COL21A1: variants seen among roughly 807,000 people sequenced by gnomAD.
The protein encoded by COL21A1 is collagen type XXI alpha 1 chain, also known as collagen alpha-1(XXI) chain.
COL21A1 carries 149 observed loss-of-function variants against 137.9 expected under a neutral mutation model. That is an observed-to-expected ratio of 1.08 (90% CI 0.95 to 1.24). The LOEUF is 1.24. COL21A1 is among the 50% of genes most tolerant of loss of function. COL21A1 has a pLI of 0.00. For missense variants in COL21A1, 1,167 were observed against 1,158.4 expected (o/e 1.01, Z -0.11); for synonymous variants, 456 against 391.5 (o/e 1.16, Z -1.95).
intron 1 of COL21A1, among the ~76,000 whole-genome samples, chr6:56,189,723 G>C (rs1319926845): frequency 6.6e-6 from 1 of 152,158 alleles, no homozygotes; most frequent in Admixed American, 6.5e-5. Flanking sequence ...CAGAGAGAAA[G>C]GTCAGGTTAC....
chr6:56,332,046 A>G (rs1765238475), intron 1 of COL21A1: 1 of 152,296 alleles, frequency 6.6e-6, no homozygotes, highest in Non-Finnish European at 1.5e-5. Context: ...ATAACACAGA[A>G]GTGATGTTAC....
At chr6:56,305,619 A>C (rs1402554818) in intron 1 of COL21A1, among the ~76,000 whole-genome samples, 1 of 152,064 alleles carries the variant, frequency 6.6e-6, no homozygotes, top group Non-Finnish European at 1.5e-5. Flanking sequence ...TTTTGAGCCT[A>C]TCTGTGTCTC....
chr6:56,101,545 AAGAAAT>A lies in COL21A1; in HGVS notation c.1759-26_1759-21del. On this transcript the variant is annotated intron_variant, in intron 16 of 29. Coordinates refer to ENST00000244728, the MANE Select transcript of COL21A1 (RefSeq NM_030820.4). ...TTCTCCCTTTTAATGATTTGACAAA[AAGAAAT>A]AGAGAATTCAGTTTTGAGGTCTGCT... 6.4e-7 allele frequency: 1 copy of A among 1,565,504 alleles called. No individual in the cohort carries two copies.
At chr6:56,220,012 C>T (rs955426230) in intron 1 of COL21A1, among the ~76,000 whole-genome samples, 2 of 152,040 alleles carry the variant, frequency 1.3e-5, no homozygotes, top group African/African-American at 4.8e-5. Context: ...AGAGGGTGGG[C>T]TCAAGGTGTT....
chr6:56,278,281 A>G (rs1012330791), intron 1 of COL21A1, among the ~76,000 whole-genome samples: 1 of 152,220 alleles, frequency 6.6e-6, no homozygotes, highest in Admixed American at 6.5e-5. Context: ...CAACTGTGAG[A>G]TAACTGCCTG....
intron 16 of COL21A1, among the ~76,000 whole-genome samples, chr6:56,114,617 A>C (rs564965704): frequency 6.6e-6 from 1 of 152,010 alleles, no homozygotes; most frequent in East Asian, 1.9e-4. Context: ...TCAAAACCAC[A>C]ATGAGATACC....
intron 17 of COL21A1, among the ~76,000 whole-genome samples, chr6:56,090,020 T>C (rs1033280089): frequency 5.3e-5 from 8 of 152,158 alleles, no homozygotes; most frequent in African/African-American, 1.9e-4. Flanking sequence ...GGAGGGCGGA[T>C]CATGATGTCA....
intron 17 of COL21A1, among the ~76,000 whole-genome samples, chr6:56,090,221 G>A (rs189559462): frequency 2.6e-5 from 4 of 152,252 alleles, no homozygotes; most frequent in African/African-American, 9.6e-5. Context: ...CCTGGCAACA[G>A]AGCAAGACTC....
intron 1 of COL21A1, among the ~76,000 whole-genome samples, chr6:56,365,814 C>A (rs902869268): frequency 6.6e-6 from 1 of 152,130 alleles, no homozygotes; most frequent in African/African-American, 2.4e-5. Context: ...AATCTTTACA[C>A]CATGTATAAC....
chr6:56,231,235 T>A (rs1326501397), intron 1 of COL21A1: 1 of 151,846 alleles, frequency 6.6e-6, no homozygotes, highest in Non-Finnish European at 1.5e-5. Context: ...AAAAAGACTA[T>A]CTTCAAAAAT....
intron 1 of COL21A1, among the ~76,000 whole-genome samples, chr6:56,336,679 C>T (rs1007115773): frequency 6.6e-6 from 1 of 152,118 alleles, no homozygotes; most frequent in Non-Finnish European, 1.5e-5. Context: ...TATGTGAAAA[C>T]AGTTTTTCTT....
intron 15 of COL21A1, 42 bp from the exon 16 acceptor site, chr6:56,124,157 A>C (rs1772808026): frequency 2.0e-6 from 3 of 1,532,488 alleles, no homozygotes; most frequent in Non-Finnish European, 2.6e-6. Flanking sequence ...TTTTGCACTA[A>C]TTTTTTCTCT....
chr6:56,255,487 T>G (rs1450960029), intron 1 of COL21A1, among the ~76,000 whole-genome samples: 1 of 152,070 alleles, frequency 6.6e-6, no homozygotes, highest in Non-Finnish European at 1.5e-5. Context: ...AGAACTTGTC[T>G]TCAGAAATTA....
intron 9 of COL21A1, among the ~76,000 whole-genome samples, chr6:56,163,558 A>G (rs1405789852): frequency 6.6e-6 from 1 of 152,070 alleles, no homozygotes; most frequent in Non-Finnish European, 1.5e-5. Context: ...AAATACAAAA[A>G]ATTAGCCGGG....
intron 1 of COL21A1, among the ~76,000 whole-genome samples, chr6:56,332,745 A>G (rs1302845036): frequency 6.6e-6 from 1 of 151,972 alleles, no homozygotes; most frequent in Non-Finnish European, 1.5e-5. Context: ...CTACTCAGTT[A>G]TAATTTGCTT....
chr6:56,358,495 T>G (rs2152348021), intron 1 of COL21A1, among the ~76,000 whole-genome samples: 1 of 152,234 alleles, frequency 6.6e-6, no homozygotes, highest in South Asian at 2.1e-4. Context: ...TTCTCCTCTT[T>G]CCCTAGATCT....
chr6:56,285,724 A>G (rs1763895018), intron 1 of COL21A1, among the ~76,000 whole-genome samples: 1 of 152,050 alleles, frequency 6.6e-6, no homozygotes, highest in Non-Finnish European at 1.5e-5. Flanking sequence ...ATCTCTATGG[A>G]GCAAATCAAA....
rs376350188 is a variant in COL21A1, at chr6:56,126,121, C to T, written c.1571G>A (p.Gly524Glu). The T allele has an allele frequency of 1.3e-6, 2 of 1,547,784 alleles. No individual in the cohort carries two copies. Among genetic ancestry groups the T allele is most frequent in the African/African-American group, 1.4e-5 (1 of 72,902 alleles). Residue 524 changes from glycine to glutamate, a missense_variant, in exon 13 of 30, where the codon GGG becomes GAG. By Grantham distance (98) the Gly-to-Glu change is moderately conservative. Transcript: ENST00000244728. ...KGDRGLPGFP[G>E]LHGMPGSKGE... ...CTTTGATCCTGGCATGCCATGAAGCCCAGGAAAACCAGGAAGTCCACGATC... is the reference window on the plus strand; with the variant it reads ...CTTTGATCCTGGCATGCCATGAAGCTCAGGAAAACCAGGAAGTCCACGATC...
chr6:56,189,310 T>C (rs1778507772), intron 1 of COL21A1, among the ~76,000 whole-genome samples: 3 of 151,484 alleles, frequency 2.0e-5, no homozygotes. Context: ...GCACGAGAAC[T>C]TCATGAAGCA....
Sources: allele counts gnomAD v4.1 joint callset (sites outside exome capture counted in the v4.1 genomes callset), GRCh38; gene constraint gnomAD v4.1.1; transcripts MANE v1.5; gene names NCBI Gene and HGNC (gene_info 2026-07-23, HGNC 2026-07-21).